CCSER1: variants seen among roughly 807,000 people sequenced by gnomAD.
The protein encoded by CCSER1 is coiled-coil serine rich protein 1, also known as serine-rich coiled-coil domain-containing protein 1.
CCSER1 carries 41 observed loss-of-function variants against 82.0 expected under a neutral mutation model. That is an observed-to-expected ratio of 0.50 (90% CI 0.39 to 0.65). The LOEUF is 0.65. Ranked by LOEUF, CCSER1 falls within the 30% of genes least tolerant of loss-of-function variation. The pLI is 0.00. For missense variants in CCSER1, 1,119 were observed against 1,064.2 expected (o/e 1.05, Z -0.72); for synonymous variants, 414 against 383.9 (o/e 1.08, Z -0.92).
intron 7 of CCSER1, among the ~76,000 whole-genome samples, chr4:90,755,040 G>A (rs2149496184): frequency 6.6e-6 from 1 of 152,164 alleles, no homozygotes; most frequent in South Asian, 2.1e-4. Context: ...GAGGAAATGG[G>A]GAAGGAGAAA....
intron 10 of CCSER1, among the ~76,000 whole-genome samples, chr4:91,210,435 AAAAG>A (rs755485186): frequency 6.6e-6 from 1 of 151,624 alleles, no homozygotes; most frequent in Non-Finnish European, 1.5e-5. Flanking sequence ...AATTAATAAA[AAAAG>A]AGTTACAGTA....
chr4:90,931,148 C>G (rs575188977), intron 9 of CCSER1, among the ~76,000 whole-genome samples: 1 of 150,586 alleles, frequency 6.6e-6, no homozygotes, highest in South Asian at 2.1e-4. Flanking sequence ...ACCAAAACAT[C>G]GTCTATTAAT....
chr4:91,244,460 C>A (rs912467921), intron 10 of CCSER1, among the ~76,000 whole-genome samples: 3 of 152,128 alleles, frequency 2.0e-5, no homozygotes, highest in Admixed American at 2.0e-4. Context: ...TCCCCAGGTC[C>A]AGGTGTCTAA....
At chr4:90,931,590 C>G (rs1227266469) in intron 9 of CCSER1, among the ~76,000 whole-genome samples, 2 of 152,080 alleles carry the variant, frequency 1.3e-5, no homozygotes, top group Non-Finnish European at 2.9e-5. Flanking sequence ...TTTCACAGTA[C>G]ACTAGCTCAT....
intron 10 of CCSER1, among the ~76,000 whole-genome samples, chr4:91,556,321 A>G (rs919055361): frequency 1.3e-5 from 2 of 150,678 alleles, no homozygotes; most frequent in African/African-American, 4.9e-5. Flanking sequence ...TCTATTCAAA[A>G]CTGATGGCTC....
At chr4:91,005,762 A>G (rs947861175) in intron 9 of CCSER1, among the ~76,000 whole-genome samples, 1 of 152,278 alleles carries the variant, frequency 6.6e-6, no homozygotes, top group East Asian at 1.9e-4. Flanking sequence ...TGTATATGAT[A>G]GGGTTCTAGT....
rs556138850 is a variant in CCSER1 at position 91,324,051 on chromosome 4, T to A, written c.2217+238057T>A. ...TAATTTCACTTATGATAATTTTGAC[T>A]TCTTACAGATTGTTGTTAAAGCTGG... On this transcript the variant is annotated intron_variant, in intron 10 of 10. Transcript: ENST00000509176. 1.9e-3 allele frequency among the ~76,000 whole-genome samples: 284 copies of A among 152,316 alleles called. 3 individuals are homozygous for A. The highest frequency in any genetic ancestry group is 1.1e-3 in the Non-Finnish European group (74 of 68,030).
chr4:90,265,537 T>C (rs1023942898), intron 1 of CCSER1, among the ~76,000 whole-genome samples: 1 of 151,948 alleles, frequency 6.6e-6, no homozygotes, highest in Non-Finnish European at 1.5e-5. Flanking sequence ...TCTGTCCACA[T>C]TGCCATGTTT....
intron 8 of CCSER1, among the ~76,000 whole-genome samples, chr4:90,816,804 A>C (rs17017673): frequency 0.19 from 29,207 of 151,992 alleles, 3,041 homozygotes; most frequent in East Asian, 0.3. Flanking sequence ...TAGACCATCG[A>C]ACTTCTGAGG....
At chr4:90,945,573 A>G (rs1561403115) in intron 9 of CCSER1, among the ~76,000 whole-genome samples, 1 of 152,238 alleles carries the variant, frequency 6.6e-6, no homozygotes, top group Non-Finnish European at 1.5e-5. Context: ...GAAAACCCGA[A>G]TACAATATTT....
At chr4:91,471,474 T>G (rs1361936792) in intron 10 of CCSER1, among the ~76,000 whole-genome samples, 2 of 152,114 alleles carry the variant, frequency 1.3e-5, no homozygotes, top group African/African-American at 4.8e-5. Context: ...GATCTGGATG[T>G]GCTACTCTCA....
intron 4 of CCSER1, among the ~76,000 whole-genome samples, chr4:90,408,083 G>A (rs1180581959): frequency 6.6e-6 from 1 of 152,188 alleles, no homozygotes; most frequent in Non-Finnish European, 1.5e-5. Context: ...AGCAAGGCTG[G>A]GGGAGGGGCA....
intron 10 of CCSER1, among the ~76,000 whole-genome samples, chr4:91,401,028 ATC>A (rs1442193674): frequency 6.6e-6 from 1 of 151,858 alleles, no homozygotes; most frequent in Non-Finnish European, 1.5e-5. Flanking sequence ...TAATTCAATC[ATC>A]TGTTTTTCTT....
At chr4:91,494,259 T>C (rs550978613) in intron 10 of CCSER1, among the ~76,000 whole-genome samples, 8 of 151,908 alleles carry the variant, frequency 5.3e-5, no homozygotes, top group Non-Finnish European at 1.2e-4. Flanking sequence ...ACTGAGACAA[T>C]GTGCAAATGT....
intron 10 of CCSER1, among the ~76,000 whole-genome samples, chr4:91,197,152 A>G (rs574917944): frequency 6.6e-6 from 1 of 152,324 alleles, no homozygotes; most frequent in South Asian, 2.1e-4. Context: ...AATCTGTATT[A>G]TCAGGAAACA....
chr4:90,673,109 AT>A (rs1311231035), intron 6 of CCSER1, among the ~76,000 whole-genome samples: 1 of 152,018 alleles, frequency 6.6e-6, no homozygotes, highest in Non-Finnish European at 1.5e-5. Flanking sequence ...GCCCCAATAG[AT>A]TTGCTGGAAA....
chr4:90,338,415 T>C (rs1740795138), intron 3 of CCSER1, among the ~76,000 whole-genome samples: 1 of 152,220 alleles, frequency 6.6e-6, no homozygotes, highest in Admixed American at 6.5e-5. Context: ...ACAAAAAGAA[T>C]TGAAAAATTG....
chr4:91,366,103 C>T (rs889457182), intron 10 of CCSER1, among the ~76,000 whole-genome samples: 2 of 152,172 alleles, frequency 1.3e-5, no homozygotes. Context: ...ACTGCAACCT[C>T]CGCCTCCCAG....
chr4:90,664,772 T>C (rs894436085), intron 6 of CCSER1, among the ~76,000 whole-genome samples: 2 of 152,076 alleles, frequency 1.3e-5, no homozygotes, highest in Non-Finnish European at 2.9e-5. Context: ...TGGTGGCACA[T>C]GCCTGTAATC....
Sources: allele counts gnomAD v4.1 joint callset (sites outside exome capture counted in the v4.1 genomes callset), GRCh38; gene constraint gnomAD v4.1.1; transcripts MANE v1.5; gene names NCBI Gene and HGNC (gene_info 2026-07-23, HGNC 2026-07-21).